The following ROR1 variants were observed in gnomAD, a reference collection of about 807,000 sequenced individuals.
ROR1 encodes inactive tyrosine-protein kinase transmembrane receptor ROR1.
Under a neutral mutation model 78.8 loss-of-function variants are expected in ROR1, and 19 were observed. The ratio of observed to expected loss-of-function variants is 0.24; its 90% CI spans 0.17 to 0.35. ROR1 has a LOEUF of 0.35. Ranked by LOEUF, ROR1 falls within the 10% of genes least tolerant of loss-of-function variation. The pLI, the probability that ROR1 is intolerant of heterozygous loss-of-function variation, is 1.00. For missense variants in ROR1, 917 were observed against 1,177.8 expected (o/e 0.78, Z 3.24); for synonymous variants, 386 against 433.6 (o/e 0.89, Z 1.36).
rs752797527 is a variant in ROR1 at position 63,774,377 on chromosome 1, G to T, written c.-41G>T. ...AGAGCCCGTGGATGTTCTGCGCGCG[G>T]CCTGGGAGCCGCCGCCGCCGCCGCC... On this transcript the variant is annotated 5_prime_UTR_variant, in exon 1 of 9. Transcript: ENST00000371079. This position sits in a 1 kb window ranked among gnomAD's most constrained non-coding sequence, Gnocchi z 5.7. 1.5e-4 allele frequency: 187 copies of T among 1,228,698 alleles called. 1 individual carries two copies. The African/African-American group carries it at 2.7e-3, about 18-fold the overall frequency. 76.1% of individuals were successfully genotyped at this position (1,228,698 alleles called of 1,614,324 possible). A position where few individuals can be genotyped will look rare whatever the true frequency, so the allele number is the denominator to read the frequency against.
intron 1 of ROR1, among the ~76,000 whole-genome samples, chr1:63,775,050 G>T (rs1644606341): frequency 6.6e-6 from 1 of 152,122 alleles, no homozygotes; most frequent in Admixed American, 6.5e-5. Flanking sequence ...ACCGCCCCCG[G>T]CCCTCCGGCC....
intron 1 of ROR1, among the ~76,000 whole-genome samples, chr1:63,821,667 G>A (rs1644924243): frequency 6.6e-6 from 1 of 152,142 alleles, no homozygotes; most frequent in Non-Finnish European, 1.5e-5. Flanking sequence ...CAGGTCCGTG[G>A]GTTTCCCTAA....
At position 64,177,968 on chromosome 1, in the gene ROR1, G is replaced by T; in HGVS notation, c.1927G>T (p.Ala643Ser). ...DLGLSREIYS[A>S]DYYRVQSKSL... is the part of the protein sequence containing the mutation. ...GGGGCTTTCCAGAGAAATTTACTCCGCTGATTACTACAGGGTCCAGAGTAA... is the reference window on the plus strand; with the variant it reads ...GGGGCTTTCCAGAGAAATTTACTCCTCTGATTACTACAGGGTCCAGAGTAA... The change falls in exon 9 of 9, where the codon GCT becomes TCT. Residue 643 changes from alanine (A) to serine (S), a missense_variant. Coordinates refer to ENST00000371079, the MANE Select transcript of ROR1 (RefSeq NM_005012.4). 1 of 1,614,160 alleles carries T rather than the reference G, an allele frequency of 6.2e-7. No homozygotes were observed. Among genetic ancestry groups the T allele is most frequent in the Non-Finnish European group, 8.5e-7 (1 of 1,180,030 alleles).
chr1:63,963,427 G>A (rs1006136650), intron 1 of ROR1, among the ~76,000 whole-genome samples: 2 of 151,924 alleles, frequency 1.3e-5, no homozygotes, highest in Non-Finnish European at 2.9e-5. Context: ...AAATTAGCCA[G>A]GCATGGTGGT....
At chr1:63,835,188 T>G (rs765855262) in intron 1 of ROR1, among the ~76,000 whole-genome samples, 2 of 152,150 alleles carry the variant, frequency 1.3e-5, no homozygotes, top group Non-Finnish European at 2.9e-5. Context: ...GCTTTGTGAT[T>G]TTGGGCAAGT....
chr1:63,846,815 A>G (rs537157061), intron 1 of ROR1, among the ~76,000 whole-genome samples: 1 of 152,310 alleles, frequency 6.6e-6, no homozygotes, highest in African/African-American at 2.4e-5. Flanking sequence ...TGGGGGAAGA[A>G]TAGTAAGGCC....
chr1:64,113,942 T>G (rs1040053625), intron 4 of ROR1, among the ~76,000 whole-genome samples: 4 of 152,078 alleles, frequency 2.6e-5, no homozygotes, highest in African/African-American at 9.7e-5. Flanking sequence ...AAAATGAAGA[T>G]AAAAACACTC....
At chr1:63,844,454 C>G (rs1372120723) in intron 1 of ROR1, among the ~76,000 whole-genome samples, 1 of 152,160 alleles carries the variant, frequency 6.6e-6, no homozygotes, top group African/African-American at 2.4e-5. Context: ...TGCTGCTAGA[C>G]TATCAACTTT....
At chr1:64,125,877 T>G (rs1021667328) in intron 4 of ROR1, among the ~76,000 whole-genome samples, 2 of 152,134 alleles carry the variant, frequency 1.3e-5, no homozygotes, top group African/African-American at 4.8e-5. Flanking sequence ...ACAAACCAAG[T>G]TATATGTACT....
chr1:63,889,608 C>A (rs1645380623), intron 1 of ROR1, among the ~76,000 whole-genome samples: 1 of 152,132 alleles, frequency 6.6e-6, no homozygotes, highest in African/African-American at 2.4e-5. Flanking sequence ...CTCACAGATA[C>A]CTATCTTTAT....
At chr1:63,783,751 G>A (rs648965) in intron 1 of ROR1, among the ~76,000 whole-genome samples, 16,872 of 152,240 alleles carry the variant, frequency 0.11, 982 homozygotes, top group African/African-American at 0.14. Context: ...CTGTTGAAAA[G>A]GTGCACAGCA....
chr1:64,112,473 G>A (rs1648139324), intron 4 of ROR1, among the ~76,000 whole-genome samples: 1 of 152,172 alleles, frequency 6.6e-6, no homozygotes, highest in African/African-American at 2.4e-5. Flanking sequence ...TCAGATGATT[G>A]TAGTAACTTG....
intron 1 of ROR1, among the ~76,000 whole-genome samples, chr1:63,992,398 A>G (rs1646303570): frequency 6.6e-6 from 1 of 151,854 alleles, no homozygotes; most frequent in Admixed American, 6.6e-5. Context: ...GGTAGGGATG[A>G]GGTTTCACCA....
chr1:64,047,349 C>T (rs781719231), intron 2 of ROR1, among the ~76,000 whole-genome samples: 3 of 152,190 alleles, frequency 2.0e-5, no homozygotes, highest in Non-Finnish European at 4.4e-5. Context: ...AGATGTCACT[C>T]ACTTTCATTT....
At chr1:63,990,232 G>A (rs1557597887) in intron 1 of ROR1, among the ~76,000 whole-genome samples, 1 of 152,262 alleles carries the variant, frequency 6.6e-6, no homozygotes. Flanking sequence ...TTGCTGAAGG[G>A]AATACCTAAA....
chr1:64,102,151 C>T (rs1394381656), intron 4 of ROR1, among the ~76,000 whole-genome samples: 1 of 152,106 alleles, frequency 6.6e-6, no homozygotes, highest in Non-Finnish European at 1.5e-5. Flanking sequence ...GCTAAGTAGA[C>T]TAGAAGTAGG....
chr1:63,794,887 A>C (rs1424664803), intron 1 of ROR1, among the ~76,000 whole-genome samples: 1 of 152,164 alleles, frequency 6.6e-6, no homozygotes, highest in Non-Finnish European at 1.5e-5. Context: ...GCACTCATGA[A>C]ACTGGTGATA....
intron 1 of ROR1, among the ~76,000 whole-genome samples, chr1:63,983,524 C>A (rs1289200473): frequency 1.3e-5 from 2 of 152,154 alleles, no homozygotes; most frequent in African/African-American, 4.8e-5. Context: ...TTACTCAGCC[C>A]ACTTAGGGCT....
chr1:63,878,379 C>G (rs571424254), intron 1 of ROR1, among the ~76,000 whole-genome samples: 1 of 152,284 alleles, frequency 6.6e-6, no homozygotes, highest in African/African-American at 2.4e-5. Context: ...GGAAATAAAC[C>G]TAATTGTTAT....
Sources: gnomAD v4.1 joint callset for allele counts (sites outside exome capture counted in the v4.1 genomes callset) on GRCh38, gnomAD v4.1.1 for gene constraint, Gnocchi (gnomAD v3.1) non-coding constraint, MANE v1.5 for transcripts, NCBI Gene and HGNC (gene_info 2026-07-23, HGNC 2026-07-21) for gene names.